KCNK2: variants seen among roughly 807,000 people sequenced by gnomAD.
KCNK2 encodes the protein potassium two pore domain channel subfamily K member 2.
In KCNK2, 21 loss-of-function variants were observed where a neutral mutation model predicts 40.5. The observed-to-expected ratio is 0.52, with a 90% CI of 0.37 to 0.75. The LOEUF (loss-of-function observed/expected upper bound fraction) is 0.75, where lower values mean the gene tolerates loss of function less well. Ranked by LOEUF, KCNK2 falls within the 30% of genes least tolerant of loss-of-function variation. The pLI is 0.00. For missense variants in KCNK2, 399 were observed against 531.6 expected, an observed-to-expected ratio of 0.75 and a Z score of 2.45; for synonymous variants, 191 against 202.2, an observed-to-expected ratio of 0.94 and a Z score of 0.47.
Position 215,172,821 on chromosome 1 carries a change from T to G in KCNK2, c.823+638T>G, listed in dbSNP as rs550076124. 2.0e-5 allele frequency among the ~76,000 whole-genome samples: 3 copies of G among 152,110 alleles called. No homozygotes were observed. In the South Asian group the frequency reaches 6.2e-4, roughly 32 times the overall value. ...ACAGGCGTGTGCCACTAGGCCCAGCTAATTGATGTATTTTTAGGAGAGATG... is the reference window on the plus strand; with the variant it reads ...ACAGGCGTGTGCCACTAGGCCCAGCGAATTGATGTATTTTTAGGAGAGATG... On this transcript the variant is annotated intron_variant, in intron 5 of 6. Transcript: ENST00000444842.
chr1:215,223,241 TA>T (rs56890763), intron 6 of KCNK2, among the ~76,000 whole-genome samples: 58,623 of 111,946 alleles, frequency 0.52, 15,328 homozygotes, highest in Admixed American at 0.61. Flanking sequence ...AGCTCTTTTC[TA>T]AAAAAAAAAA....
chr1:215,034,431 G>A (rs2841582), intron 1 of KCNK2, among the ~76,000 whole-genome samples: 129,364 of 151,842 alleles, frequency 0.85, 55,386 homozygotes, highest in East Asian at 0.99. Context: ...ATTTCTCTTG[G>A]TTCAATAGTA....
At chr1:215,140,294 G>T (rs1477320914) in intron 3 of KCNK2, among the ~76,000 whole-genome samples, 1 of 152,092 alleles carries the variant, frequency 6.6e-6, no homozygotes, top group African/African-American at 2.4e-5. Flanking sequence ...CTAAATTGTT[G>T]TATCATCCAA....
chr1:215,075,714 C>A (rs1373291500), intron 1 of KCNK2, among the ~76,000 whole-genome samples: 1 of 152,156 alleles, frequency 6.6e-6, no homozygotes, highest in Non-Finnish European at 1.5e-5. Context: ...CAGTGTCTGC[C>A]ACAAATTTCT....
rs192799523 is a variant in KCNK2 at position 215,033,970 on chromosome 1, A to T, written c.34+28015A>T. ...AGTTTTATCTCTTGGTCTTGTCTAC[A>T]CTATGTCTTCAGTAATTCATCAATT... On this transcript the variant is annotated intron_variant, in intron 1 of 6. Transcript: ENST00000391895. Among the ~76,000 whole-genome samples the T allele has an allele frequency of 1.1e-4, 16 of 152,216 alleles. No individual in the cohort carries two copies. In the East Asian group the frequency reaches 3.1e-3, roughly 29 times the overall value.
Position 215,083,201 on chromosome 1 carries a change from C to A in KCNK2, c.-185C>A, listed in dbSNP as rs1041153417. The A allele has an allele frequency of 2.1e-5, 16 of 753,776 alleles. No homozygotes were observed. Among genetic ancestry groups the A allele is most frequent in the African/African-American group, 1.1e-4 (6 of 53,342 alleles). The allele number at this position is 753,776 out of a possible 1,614,324, so 46.7% of individuals were successfully genotyped here. ...TTTCGTTTCTTCTCACGCTCCCCCC[C>A]CCGCCCCCTCCCGCGTCCAGCCCCG... On this transcript the variant is annotated 5_prime_UTR_variant, in exon 1 of 7. Transcript: ENST00000444842.
chr1:215,143,620 T>C (rs1662283506), intron 3 of KCNK2, among the ~76,000 whole-genome samples: 1 of 152,150 alleles, frequency 6.6e-6, no homozygotes, highest in Non-Finnish European at 1.5e-5. Flanking sequence ...TGCCTAATCA[T>C]GCAGCAGGCA....
At chr1:215,191,270 T>A (rs1571712512) in intron 5 of KCNK2, among the ~76,000 whole-genome samples, 1 of 134,074 alleles carries the variant, frequency 7.5e-6, no homozygotes, top group Non-Finnish European at 1.6e-5. Flanking sequence ...GGTGACAGAG[T>A]GAGGCTGCAT....
chr1:215,209,221 T>A (rs1447631100), intron 6 of KCNK2, among the ~76,000 whole-genome samples: 9 of 131,692 alleles, frequency 6.8e-5, no homozygotes, highest in Non-Finnish European at 1.4e-4. Flanking sequence ...ACACATATTT[T>A]TATATATAAA....
intron 2 of KCNK2, among the ~76,000 whole-genome samples, chr1:215,102,943 A>G (rs530559387): frequency 9.9e-5 from 15 of 152,122 alleles, no homozygotes; most frequent in African/African-American, 2.9e-4. Flanking sequence ...ACAGACCCCC[A>G]TGTAAGAAAC....
intron 1 of KCNK2, among the ~76,000 whole-genome samples, chr1:215,056,900 C>T (rs1658189390): frequency 6.6e-6 from 1 of 152,120 alleles, no homozygotes; most frequent in Non-Finnish European, 1.5e-5. Flanking sequence ...GAGTAATTAT[C>T]TAAAATGTTT....
At chr1:215,209,331 T>C (rs866685405) in intron 6 of KCNK2, among the ~76,000 whole-genome samples, 1,024 of 94,722 alleles carry the variant, frequency 0.011, 12 homozygotes, top group Non-Finnish European at 0.015. Context: ...CACATATTTT[T>C]ATATATATAA....
chr1:215,209,249 C>A (rs1665457420), intron 6 of KCNK2, among the ~76,000 whole-genome samples: 1 of 118,148 alleles, frequency 8.5e-6, no homozygotes. Context: ...TAAATATACA[C>A]ATATCTTATA....
At position 215,235,160 on chromosome 1, in the gene KCNK2, A is replaced by C. The variant is rs1462979007; in HGVS notation, c.*15A>C. On this transcript the variant is annotated 3_prime_UTR_variant, in exon 7 of 7. Transcript: ENST00000444842. ...ACATCAAATAGCCCTCTCTTTAAAT[A>C]ACCTTAGGCATAGCCATAGGTGAGG... is the stretch of plus-strand genomic sequence containing the variant. 2 of 1,583,530 alleles carry C rather than the reference A, an allele frequency of 1.3e-6. No individual in the cohort carries two copies. The highest frequency in any genetic ancestry group is 1.7e-6 in the Non-Finnish European group (2 of 1,158,500).
intron 1 of KCNK2, among the ~76,000 whole-genome samples, chr1:215,015,547 G>A (rs931786710): frequency 1.3e-5 from 2 of 151,998 alleles, no homozygotes; most frequent in Admixed American, 1.3e-4. Flanking sequence ...ATTTCTAGAT[G>A]AGCCCATGGT....
chr1:215,200,264 T>A (rs11580781), intron 6 of KCNK2, among the ~76,000 whole-genome samples: 3 of 152,146 alleles, frequency 2.0e-5, no homozygotes, highest in Non-Finnish European at 4.4e-5. Flanking sequence ...GGCCTGAGAA[T>A]GTGAAAGAAC....
At chr1:215,040,801 C>T (rs76255053) in intron 1 of KCNK2, among the ~76,000 whole-genome samples, 2 of 152,124 alleles carry the variant, frequency 1.3e-5, no homozygotes, top group African/African-American at 2.4e-5. Flanking sequence ...ATTCAACAGA[C>T]ATGTCAAATT....
intron 3 of KCNK2, among the ~76,000 whole-genome samples, chr1:215,132,937 A>G (rs1327541546): frequency 1.3e-5 from 2 of 152,232 alleles, no homozygotes; most frequent in Non-Finnish European, 2.9e-5. Flanking sequence ...TCAGGCAAGA[A>G]GAGCACCTAG....
chr1:215,066,884 A>G (rs1658566437), intron 1 of KCNK2, among the ~76,000 whole-genome samples: 1 of 152,220 alleles, frequency 6.6e-6, no homozygotes, highest in African/African-American at 2.4e-5. Flanking sequence ...TTGACAACAT[A>G]CATTTTCAAT....
Sources: gnomAD v4.1 joint callset for allele counts (sites outside exome capture counted in the v4.1 genomes callset) on GRCh38, gnomAD v4.1.1 for gene constraint, MANE v1.5 for transcripts, NCBI Gene and HGNC (gene_info 2026-07-23, HGNC 2026-07-21) for gene names.